Variants in IGBP1 observed in about 807,000 individuals in gnomAD.
IGBP1 encodes immunoglobulin binding protein 1.
Under a neutral mutation model 25.9 loss-of-function variants are expected in IGBP1, and 2 were observed. The observed-to-expected ratio is 0.08, with a 90% CI of 0.03 to 0.24. The LOEUF (loss-of-function observed/expected upper bound fraction) is 0.24, where lower values mean the gene tolerates loss of function less well. IGBP1 is among the 10% of genes least tolerant of loss of function. The pLI is 1.00. For missense variants in IGBP1, 187 were observed against 260.4 expected, an observed-to-expected ratio of 0.72 and a Z score of 1.94; for synonymous variants, 96 against 93.4, an observed-to-expected ratio of 1.03 and a Z score of -0.16.
At chrX:70,136,505 C>A (rs925545105) in intron 3 of IGBP1, among the ~76,000 whole-genome samples, 2 of 110,503 alleles carry the variant, frequency 1.8e-5, no homozygotes, top group African/African-American at 6.6e-5. Context: ...AGATGCAGCC[C>A]TATTGTAAGT....
intron 3 of IGBP1, among the ~76,000 whole-genome samples, chrX:70,135,664 A>G (rs1207068447): frequency 9.0e-6 from 1 of 111,716 alleles, no homozygotes; most frequent in Non-Finnish European, 1.9e-5. Flanking sequence ...GTAAAGCCAC[A>G]GAGGCATTAA....
At chrX:70,146,984 G>A (rs912885015) in intron 4 of IGBP1, among the ~76,000 whole-genome samples, 156 bp downstream of exon 4, 2 of 111,951 alleles carry the variant, frequency 1.8e-5, no homozygotes, top group African/African-American at 6.5e-5. Flanking sequence ...TTAATTTAAT[G>A]TGTTCCCCAG....
At position 70,162,046 on chromosome X, in the gene IGBP1, A is replaced by G. The variant is rs752773995; in HGVS notation, c.872-3787A>G. 3.6e-5 allele frequency among the ~76,000 whole-genome samples: 4 copies of G among 111,996 alleles called. No individual in the cohort carries two copies. In the East Asian group the frequency reaches 1.1e-3, roughly 31 times the overall value. ...AAATTTCAATTAATTTTATGTAGAT[A>G]CTCCTGCTTCAAGGAGGTGTAGCAT... On this transcript the variant is annotated intron_variant, in intron 6 of 6. Coordinates refer to ENST00000356413, the MANE Select transcript of IGBP1 (RefSeq NM_001551.3).
rs762491182 is a variant in IGBP1, at chrX:70,136,172, ACTGAGCCTCAG to A, written c.482+1359_482+1369del. Among the ~76,000 whole-genome samples the A allele has an allele frequency of 3.4e-4, 38 of 111,585 alleles. No individual in the cohort carries two copies. The South Asian group carries it at 6.0e-3, about 18-fold the overall frequency. On this transcript the variant is annotated intron_variant, in intron 3 of 6. Coordinates refer to ENST00000356413, the MANE Select transcript of IGBP1 (RefSeq NM_001551.3). Reference sequence around the variant, plus strand: ...GACTTTGGGGAAGTTATTTAACCTAACTGAGCCTCAGCTTTCCTCATATGTGAAATCTAAGT... The same window carrying A: ...GACTTTGGGGAAGTTATTTAACCTAACTTTCCTCATATGTGAAATCTAAGT...
chrX:70,136,698 T>TTTATTATTATTATTA lies in IGBP1; in HGVS notation c.482+1899_482+1913dup, dbSNP rs58340348. The stretch of plus-strand genomic sequence containing the variant: ...ACTGAAGAGTTCTGTTTCTTTTTTC[T>TTTATTATTATTATTA]TTATTATTATTATTATTATTATTAT... On this transcript the variant is annotated intron_variant, in intron 3 of 6. Coordinates refer to ENST00000356413, the MANE Select transcript of IGBP1 (RefSeq NM_001551.3). Among the ~76,000 whole-genome samples the TTTATTATTATTATTA allele has an allele frequency of 3.4e-3, 338 of 97,994 alleles. 1 individual carries two copies. Among genetic ancestry groups the TTTATTATTATTATTA allele is most frequent in the South Asian group, 0.015 (34 of 2,199 alleles). 85.1% of individuals were successfully genotyped at this position (97,994 alleles called of 115,157 possible).
chrX:70,156,260 C>T lies in IGBP1; in HGVS notation c.871+5938C>T, dbSNP rs1207254071. Among the ~76,000 whole-genome samples the T allele has an allele frequency of 5.9e-5, 6 of 100,889 alleles. No individual in the cohort carries two copies. In the Admixed American group the frequency reaches 6.6e-4, roughly 11 times the overall value. The allele number at this position is 100,889 out of a possible 115,157, so 87.6% of individuals were successfully genotyped here. A position where few individuals can be genotyped will look rare whatever the true frequency, so the allele number is the denominator to read the frequency against. ...AGGGCACCAATAGACTTGCTCGCTG[C>T]AGGGTTGCCACAAACCTTCAATTTG... On this transcript the variant is annotated intron_variant, in intron 6 of 6. Transcript: ENST00000356413.
At chrX:70,142,711 C>G (rs960226912) in intron 3 of IGBP1, among the ~76,000 whole-genome samples, 1 of 109,266 alleles carries the variant, frequency 9.2e-6, no homozygotes, top group Non-Finnish European at 1.9e-5. Context: ...CTTAGCTACT[C>G]GGGAGGCTGA....
chrX:70,154,952 C>A (rs2085230447), intron 6 of IGBP1, among the ~76,000 whole-genome samples: 1 of 108,774 alleles, frequency 9.2e-6, no homozygotes, highest in Admixed American at 9.9e-5. Context: ...TAACAGATAA[C>A]CTCACCAAAG....
chrX:70,147,371 T>C (rs926991888), intron 4 of IGBP1, among the ~76,000 whole-genome samples: 1 of 109,728 alleles, frequency 9.1e-6, no homozygotes, highest in African/African-American at 3.3e-5. Flanking sequence ...TGCAGTGAGC[T>C]GAGATCATGC....
intron 5 of IGBP1, 52 bp from the exon 6 acceptor site, chrX:70,150,158 T>G: frequency 1.3e-6 from 1 of 753,733 alleles, no homozygotes; most frequent in Non-Finnish European, 2.1e-6. Flanking sequence ...TTTTTTTTGT[T>G]ATTTTTGTTT....
intron 3 of IGBP1, among the ~76,000 whole-genome samples, chrX:70,136,580 A>T (rs761192694): frequency 1.8e-5 from 2 of 111,429 alleles, no homozygotes; most frequent in Non-Finnish European, 3.8e-5. Flanking sequence ...ATAAAACAGC[A>T]CAATATCTGG....
intron 5 of IGBP1, among the ~76,000 whole-genome samples, chrX:70,149,228 CAAAAA>C (rs11360263): frequency 1.3e-5 from 1 of 75,671 alleles, no homozygotes; most frequent in Admixed American, 1.4e-4. Flanking sequence ...GACTCCGTCT[CAAAAA>C]AAAAAAAAAA....
Position 70,161,287 on chromosome X carries a change from G to A in IGBP1, c.872-4546G>A, listed in dbSNP as rs1438312329. ...AGGGAAGGAGCTTTCAAAGACTACT[G>A]GGGTCATATCGAGCCAATTTAAAGA... On this transcript the variant is annotated intron_variant, in intron 6 of 6. Coordinates refer to ENST00000356413, the MANE Select transcript of IGBP1 (RefSeq NM_001551.3). Among the ~76,000 whole-genome samples the A allele has an allele frequency of 3.6e-5, 4 of 111,964 alleles. No individual in the cohort carries two copies. The Admixed American group carries it at 3.8e-4, about 11-fold the overall frequency.
chrX:70,148,668 C>A, intron 4 of IGBP1, 93 bp from the exon 5 acceptor site: 1 of 593,420 alleles, frequency 1.7e-6, no homozygotes, highest in East Asian at 3.6e-5. Flanking sequence ...AATTTTGAAT[C>A]CAGAGCTTTT....
chrX:70,139,476 T>C (rs2085117474), intron 3 of IGBP1, among the ~76,000 whole-genome samples: 1 of 111,544 alleles, frequency 9.0e-6, no homozygotes, highest in African/African-American at 3.3e-5. Flanking sequence ...TCTCCCACAT[T>C]CGTATTACTA....
chrX:70,140,196 T>C (rs1248228301), intron 3 of IGBP1, among the ~76,000 whole-genome samples: 2 of 112,289 alleles, frequency 1.8e-5, no homozygotes, highest in East Asian at 5.6e-4. Context: ...CAGTATATAC[T>C]CTATGAGGGC....
chrX:70,157,952 A>C (rs2085251044), intron 6 of IGBP1, among the ~76,000 whole-genome samples: 1 of 112,372 alleles, frequency 8.9e-6, no homozygotes, highest in South Asian at 3.7e-4. Flanking sequence ...AATATTTATA[A>C]TGAAAATAGG....
At chrX:70,154,280 G>T (rs2085223232) in intron 6 of IGBP1, among the ~76,000 whole-genome samples, 1 of 105,464 alleles carries the variant, frequency 9.5e-6, no homozygotes, top group African/African-American at 3.5e-5. Flanking sequence ...CATTGTGTTA[G>T]CCAGGATAGT....
rs746752567 is a variant in IGBP1, at chrX:70,134,548, G to C, written c.214G>C (p.Ala72Pro). The C allele has an allele frequency of 2.4e-5, 29 of 1,211,230 alleles. No homozygotes were observed. Among genetic ancestry groups the C allele is most frequent in the Non-Finnish European group, 3.1e-5 (28 of 895,233 alleles). ...CCGAAATGAAGATTTGGAAGAGATT[G>C]CTTCCACCGACCTGAAGTACCTTTT... ...FSRNEDLEEI[A>P]STDLKYLLVP... The change falls in exon 3 of 7, where the codon GCT (alanine) becomes CCT (proline). Residue 72 changes from alanine to proline, a missense_variant. By Grantham distance (27) the Ala-to-Pro change is conservative. Coordinates refer to ENST00000356413, the MANE Select transcript of IGBP1 (RefSeq NM_001551.3).
Sources: gnomAD v4.1 joint callset for allele counts (sites outside exome capture counted in the v4.1 genomes callset) on GRCh38, gnomAD v4.1.1 for gene constraint, MANE v1.5 for transcripts, NCBI Gene and HGNC (gene_info 2026-07-23, HGNC 2026-07-21) for gene names.